LEPROT: variants seen among roughly 807,000 people sequenced by gnomAD.
LEPROT encodes the protein leptin receptor gene-related protein.
LEPROT carries 3 observed loss-of-function variants against 15.4 expected under a neutral mutation model. The observed-to-expected ratio is 0.19, with a 90% CI of 0.09 to 0.50. The LOEUF (loss-of-function observed/expected upper bound fraction) is 0.50. Among genes scored for constraint, LEPROT ranks in the 20% least tolerant of loss-of-function variants. The pLI is 0.97. For synonymous variants in LEPROT, 59 were observed against 57.5 expected, an observed-to-expected ratio of 1.03 and a Z score of -0.12; for missense variants, 137 against 162.2, an observed-to-expected ratio of 0.84 and a Z score of 0.84.
Position 65,434,562 on chromosome 1 carries a change from C to G in LEPROT, c.*2643C>G. On this transcript the variant is annotated 3_prime_UTR_variant, in exon 4 of 4. Coordinates refer to ENST00000371065, the MANE Select transcript of LEPROT (RefSeq NM_017526.5). Reference sequence around the variant, plus strand: ...CTCAACAGGTTCAACTCTAATATACCTAACCTGTGATACTGAAGGTGCCTG... The same window carrying G: ...CTCAACAGGTTCAACTCTAATATACGTAACCTGTGATACTGAAGGTGCCTG... The G allele has an allele frequency of 1.0e-6, 1 of 985,322 alleles. No individual in the cohort carries two copies. The highest frequency in any genetic ancestry group is 1.2e-6 in the Non-Finnish European group (1 of 829,864). The allele number at this position is 985,322 out of a possible 1,614,324, so 61.0% of individuals were successfully genotyped here. A position where few individuals can be genotyped will look rare whatever the true frequency, so the allele number is the denominator to read the frequency against.
rs1646528186 is a variant in LEPROT, at chr1:65,434,297, A to G, written c.*2378A>G. The G allele has an allele frequency of 1.0e-6, 1 of 984,258 alleles. No homozygotes were observed. The highest frequency in any genetic ancestry group is 5.2e-4 in the Middle Eastern group (1 of 1,914). 61.0% of individuals were successfully genotyped at this position (984,258 alleles called of 1,614,324 possible). Reference sequence around the variant, plus strand: ...TTGATCATGGTGACACAAATGTTGGACATTTTTTTCCTTATAAAAGGCTCT... The same window carrying G: ...TTGATCATGGTGACACAAATGTTGGGCATTTTTTTCCTTATAAAAGGCTCT... On this transcript the variant is annotated 3_prime_UTR_variant, in exon 4 of 4. Coordinates refer to ENST00000371065, the MANE Select transcript of LEPROT (RefSeq NM_017526.5).
intron 2 of LEPROT, among the ~76,000 whole-genome samples, chr1:65,425,677 G>A (rs1646348410): frequency 2.6e-5 from 4 of 152,226 alleles, no homozygotes. Context: ...GTGAGTGAGA[G>A]ACAGGCAAAC....
rs1045895 is a variant in LEPROT at position 65,432,298 on chromosome 1, G to A, written c.*379G>A. On this transcript the variant is annotated 3_prime_UTR_variant, in exon 4 of 4. Coordinates refer to ENST00000371065, the MANE Select transcript of LEPROT (RefSeq NM_017526.5). ...AGGCCTCTCATGACCCAGGAAGGCC[G>A]GGGTGGATCCCTCTTTGTGTTGTAG... 0.36 allele frequency: 359,402 copies of A among 993,224 alleles called. 69,079 individuals carry two copies. Among genetic ancestry groups the A allele is most frequent in the Non-Finnish European group, 0.39 (326,585 of 835,106 alleles). The allele number at this position is 993,224 out of a possible 1,614,324, so 61.5% of individuals were successfully genotyped here.
chr1:65,423,413 G>T (rs1330384574), intron 1 of LEPROT, among the ~76,000 whole-genome samples: 2 of 152,160 alleles, frequency 1.3e-5, no homozygotes, highest in African/African-American at 4.8e-5. Flanking sequence ...AAAGATGGTT[G>T]TGAACGTTGA....
intron 1 of LEPROT, among the ~76,000 whole-genome samples, chr1:65,423,793 C>G (rs976876230): frequency 6.6e-6 from 1 of 152,082 alleles, no homozygotes; most frequent in Non-Finnish European, 1.5e-5. Flanking sequence ...TAGTTTAATA[C>G]TAATTATGAG....
chr1:65,426,960 T>G (rs996449636), intron 2 of LEPROT, among the ~76,000 whole-genome samples: 25 of 151,628 alleles, frequency 1.6e-4, no homozygotes, highest in Non-Finnish European at 3.2e-4. Context: ...ATCGTGCCAC[T>G]GCACTCTAGC....
chr1:65,431,857 A>G lies in LEPROT; in HGVS notation c.334A>G (p.Thr112Ala). ...GGCAGGCAATGCAGTCATTTTCCTT[A>G]CAATTCAAGGGTTTTTCCTTATATT... ...VLAGNAVIFL[T>A]IQGFFLIFGR... The change falls in exon 4 of 4, where the codon ACA (threonine) becomes GCA (alanine). Residue 112 changes from threonine to alanine, a missense_variant. By Grantham distance (58) the Thr-to-Ala change is moderately conservative. Transcript: ENST00000371065. 4 of 1,614,118 alleles carry G rather than the reference A, an allele frequency of 2.5e-6. No individual in the cohort carries two copies. The highest frequency in any genetic ancestry group is 3.4e-6 in the Non-Finnish European group (4 of 1,179,982).
chr1:65,429,955 C>A lies in LEPROT; in HGVS notation c.186C>A (p.Thr62=), dbSNP rs1646454402. 2 of 1,578,928 alleles carry A rather than the reference C, an allele frequency of 1.3e-6. No homozygotes were observed. Among genetic ancestry groups the A allele is most frequent in the Non-Finnish European group, 1.7e-6 (2 of 1,153,622 alleles). Residue 62 remains threonine (T), a synonymous_variant, in exon 3 of 4, where the codon ACC becomes ACA. Transcript: ENST00000371065. The part of the protein sequence containing the change: ...AKRVTYDSDA[T]SSACRELAYF... ...GAGTCACCTATGACTCAGATGCAAC[C>A]AGTAGTGCCTGTCGGGAACTGGCAT...
chr1:65,422,228 T>A lies in LEPROT; in HGVS notation c.16+1488T>A, dbSNP rs189212385. ...CCTAATCCAATGACTGGTGTCCTTA[T>A]AAGAAGAGGGGAATTTAGACATAGA... On this transcript the variant is annotated intron_variant, in intron 1 of 3. Coordinates refer to ENST00000371065, the MANE Select transcript of LEPROT (RefSeq NM_017526.5). Among the ~76,000 whole-genome samples the A allele has an allele frequency of 2.9e-3, 446 of 152,276 alleles. 5 individuals are homozygous for A. Among genetic ancestry groups the A allele is most frequent in the African/African-American group, 1.0e-2 (415 of 41,548 alleles).
At chr1:65,426,029 AAAC>A (rs1646355788) in intron 2 of LEPROT, among the ~76,000 whole-genome samples, 1 of 151,916 alleles carries the variant, frequency 6.6e-6, no homozygotes, top group African/African-American at 2.4e-5. Flanking sequence ...GACGGACAGT[AAAC>A]AACAAAAGTA....
At position 65,432,656 on chromosome 1, in the gene LEPROT, T is replaced by C; in HGVS notation, c.*737T>C. 1 of 984,442 alleles carries C rather than the reference T, an allele frequency of 1.0e-6. No individual in the cohort carries two copies. The allele number at this position is 984,442 out of a possible 1,614,324, so 61.0% of individuals were successfully genotyped here. A position where few individuals can be genotyped will look rare whatever the true frequency, so the allele number is the denominator to read the frequency against. On this transcript the variant is annotated 3_prime_UTR_variant, in exon 4 of 4. Coordinates refer to ENST00000371065, the MANE Select transcript of LEPROT (RefSeq NM_017526.5). ...ATATTTAGGCAGTTCCTCAAATTTA[T>C]GAAAAGTGTTCTCAGAATTGGGAGA...
intron 1 of LEPROT, among the ~76,000 whole-genome samples, chr1:65,423,234 C>T (rs573537618): frequency 1.3e-5 from 2 of 152,164 alleles, no homozygotes; most frequent in South Asian, 2.1e-4. Context: ...CAGTTGCGGC[C>T]GGGCCCTTGT....
Position 65,432,218 on chromosome 1 carries a change from T to C in LEPROT, c.*299T>C. 1 of 1,034,878 alleles carries C rather than the reference T, an allele frequency of 9.7e-7. No homozygotes were observed. Among genetic ancestry groups the C allele is most frequent in the Non-Finnish European group, 1.2e-6 (1 of 861,578 alleles). 64.1% of individuals were successfully genotyped at this position (1,034,878 alleles called of 1,614,324 possible). A position where few individuals can be genotyped will look rare whatever the true frequency, so the allele number is the denominator to read the frequency against. On this transcript the variant is annotated 3_prime_UTR_variant, in exon 4 of 4. Coordinates refer to ENST00000371065, the MANE Select transcript of LEPROT (RefSeq NM_017526.5). ...TGTAGGCAGCTGCCACCTTATGCAG[T>C]GCATCGAAACCTTTTGCTTGGGGAT...
Position 65,434,580 on chromosome 1 carries a change from G to A in LEPROT, c.*2661G>A, listed in dbSNP as rs552381922. 1.0e-6 allele frequency: 1 copy of A among 985,450 alleles called. No individual in the cohort carries two copies. The highest frequency in any genetic ancestry group is 1.7e-5 in the African/African-American group (1 of 57,344). 61.0% of individuals were successfully genotyped at this position (985,450 alleles called of 1,614,324 possible). On this transcript the variant is annotated 3_prime_UTR_variant, in exon 4 of 4. Coordinates refer to ENST00000371065, the MANE Select transcript of LEPROT (RefSeq NM_017526.5). ...AATATACCTAACCTGTGATACTGAA[G>A]GTGCCTGCCTGAGTTTTGGGTCTCT...
intron 2 of LEPROT, among the ~76,000 whole-genome samples, chr1:65,426,594 G>C (rs758271106): frequency 1.3e-5 from 2 of 152,088 alleles, no homozygotes; most frequent in African/African-American, 2.4e-5. Context: ...AGGAGAGTGA[G>C]TTAGGAAACC....
Position 65,432,063 on chromosome 1 carries a change from C to T in LEPROT, c.*144C>T. 1.5e-6 allele frequency: 2 copies of T among 1,352,614 alleles called. No individual in the cohort carries two copies. The highest frequency in any genetic ancestry group is 9.5e-7 in the Non-Finnish European group (1 of 1,053,064). The allele number at this position is 1,352,614 out of a possible 1,614,324, so 83.8% of individuals were successfully genotyped here. ...ATCATGTTCACTTTAAGAAAGACTT[C>T]ATAAGTAGGAGATGAGTTTTATTCT... is the stretch of plus-strand genomic sequence containing the variant. On this transcript the variant is annotated 3_prime_UTR_variant, in exon 4 of 4. Coordinates refer to ENST00000371065, the MANE Select transcript of LEPROT (RefSeq NM_017526.5).
rs768458181 is a variant in LEPROT at position 65,425,328 on chromosome 1, G to A, written c.42G>A (p.Gly14=). The A allele has an allele frequency of 6.2e-6, 10 of 1,609,950 alleles. No homozygotes were observed. Among genetic ancestry groups the A allele is most frequent in the Non-Finnish European group, 8.5e-6 (10 of 1,179,056 alleles). The stretch of plus-strand genomic sequence containing the variant: ...CTCTCGTGGCATTATCCTTCAGTGG[G>A]GCTATTGGACTGACTTTTCTTATGC... ...VKALVALSFS[G]AIGLTFLMLG... The change falls in exon 2 of 4, where the codon GGG becomes GGA. Residue 14 remains glycine, a synonymous_variant. Coordinates refer to ENST00000371065, the MANE Select transcript of LEPROT (RefSeq NM_017526.5).
At position 65,420,675 on chromosome 1, in the gene LEPROT, C is replaced by T. The variant is rs368145929; in HGVS notation, c.-50C>T. 3.2e-6 allele frequency: 5 copies of T among 1,562,010 alleles called. No individual in the cohort carries two copies. The highest frequency in any genetic ancestry group is 1.4e-5 in the African/African-American group (1 of 73,696). ...TCCCGGTCTGGCTTGGGCAGGCTGCCCGGGCCGTGGCAGGAAGCCGGAAGC... is the reference window on the plus strand; with the variant it reads ...TCCCGGTCTGGCTTGGGCAGGCTGCTCGGGCCGTGGCAGGAAGCCGGAAGC... On this transcript the variant is annotated 5_prime_UTR_variant, in exon 1 of 4. Coordinates refer to ENST00000371065, the MANE Select transcript of LEPROT (RefSeq NM_017526.5).
In LEPROT at chr1:65,434,559, T is replaced by C. The variant is rs1405632064; in HGVS notation, c.*2640T>C. ...TCCCTCAACAGGTTCAACTCTAATA[T>C]ACCTAACCTGTGATACTGAAGGTGC... On this transcript the variant is annotated 3_prime_UTR_variant, in exon 4 of 4. Coordinates refer to ENST00000371065, the MANE Select transcript of LEPROT (RefSeq NM_017526.5). 1.0e-6 allele frequency: 1 copy of C among 985,202 alleles called. No homozygotes were observed. The highest frequency in any genetic ancestry group is 1.7e-5 in the African/African-American group (1 of 57,232). 61.0% of individuals were successfully genotyped at this position (985,202 alleles called of 1,614,324 possible). A position where few individuals can be genotyped will look rare whatever the true frequency, so the allele number is the denominator to read the frequency against.
Sources: allele counts gnomAD v4.1 joint callset (sites outside exome capture counted in the v4.1 genomes callset), GRCh38; gene constraint gnomAD v4.1.1; transcripts MANE v1.5; gene names NCBI Gene and HGNC (gene_info 2026-07-23, HGNC 2026-07-21).